TTC7B: variants seen among roughly 807,000 people sequenced by gnomAD.
The protein encoded by TTC7B is tetratricopeptide repeat protein 7B.
A neutral mutation model predicts 106.8 loss-of-function variants in TTC7B; 28 were observed. The ratio of observed to expected loss-of-function variants is 0.26; its 90% CI spans 0.19 to 0.36. The LOEUF is 0.36. Among genes scored for constraint, TTC7B ranks in the 10% least tolerant of loss-of-function variants. The pLI, the probability that TTC7B is intolerant of heterozygous loss-of-function variation, is 1.00. For missense variants in TTC7B, 862 were observed against 1,076.4 expected (o/e 0.80, Z 2.79); for synonymous variants, 405 against 430.6 (o/e 0.94, Z 0.74).
intron 3 of TTC7B, among the ~76,000 whole-genome samples, chr14:90,746,413 A>G (rs1889969593): frequency 6.6e-6 from 1 of 152,198 alleles, no homozygotes; most frequent in South Asian, 2.1e-4. Flanking sequence ...TAGAATCTTT[A>G]GTAGATGGCA....
At chr14:90,602,063 T>C in intron 17 of TTC7B, 1 of 454,348 alleles carries the variant, frequency 2.2e-6, no homozygotes, top group Non-Finnish European at 4.4e-6. Context: ...TAGGTTGAGC[T>C]GGATTTCAGA....
At chr14:90,691,352 G>A (rs758684671) in intron 6 of TTC7B, among the ~76,000 whole-genome samples, 1 of 151,860 alleles carries the variant, frequency 6.6e-6, no homozygotes, top group Non-Finnish European at 1.5e-5. Flanking sequence ...TTTTTTAAAC[G>A]TGGGGTTTTG....
At position 90,550,359 on chromosome 14, in the gene TTC7B, G is replaced by A. The variant is rs149781168; in HGVS notation, c.2311-8770C>T. ...TGTCTCCACCCTAAAGTGAACATGG[G>A]ATGCATGTAATTTGCGTATTTGCTT... On this transcript the variant is annotated intron_variant, in intron 19 of 19. Transcript: ENST00000328459. Among the ~76,000 whole-genome samples the A allele has an allele frequency of 8.3e-4, 126 of 152,318 alleles. 1 individual carries two copies. The highest frequency in any genetic ancestry group is 5.0e-3 in the East Asian group (26 of 5,186).
Position 90,528,189 on chromosome 14 carries a change from C to T in TTC7B, c.*13179G>A, listed in dbSNP as rs1333499705. 1 of 152,180 alleles carries T rather than the reference C, an allele frequency of 6.6e-6. No individual in the cohort carries two copies. Among genetic ancestry groups the T allele is most frequent in the Non-Finnish European group, 1.5e-5 (1 of 68,042 alleles). The allele number at this position is 152,180 out of a possible 1,614,324, so 9.4% of individuals were successfully genotyped here. A position where few individuals can be genotyped will look rare whatever the true frequency, so the allele number is the denominator to read the frequency against. ...CTCCCCTGCTGTGAGCCTCCAATCC[C>T]CTGGCTGGCTAAACAGCAGCACCAG... On this transcript the variant is annotated 3_prime_UTR_variant, in exon 20 of 20. Transcript: ENST00000328459.
intron 17 of TTC7B, among the ~76,000 whole-genome samples, chr14:90,607,760 C>T (rs562632353): frequency 2.0e-5 from 3 of 152,316 alleles, no homozygotes; most frequent in East Asian, 3.9e-4. Context: ...CAATTCTCCA[C>T]AGATGGGTAT....
intron 3 of TTC7B, among the ~76,000 whole-genome samples, chr14:90,762,212 A>G (rs919413824): frequency 6.6e-6 from 1 of 152,252 alleles, no homozygotes; most frequent in Non-Finnish European, 1.5e-5. Context: ...GACAGGAGCT[A>G]GGACAACTGA....
At chr14:90,587,600 C>T (rs1026445458) in intron 18 of TTC7B, among the ~76,000 whole-genome samples, 5 of 152,136 alleles carry the variant, frequency 3.3e-5, no homozygotes, top group East Asian at 1.9e-4. Context: ...TATGAGGGGT[C>T]GCAGGGGCCT....
intron 3 of TTC7B, among the ~76,000 whole-genome samples, chr14:90,754,409 CTAAG>C (rs1890224755): frequency 6.6e-6 from 1 of 152,162 alleles, no homozygotes; most frequent in Non-Finnish European, 1.5e-5. Flanking sequence ...TGCAAAAATG[CTAAG>C]TGTTTAGAAC....
Position 90,780,799 on chromosome 14 carries a change from C to T in TTC7B, c.384G>A (p.Leu128=), listed in dbSNP as rs1225451516. Residue 128 remains leucine (L), a synonymous_variant, in exon 3 of 20, where the codon CTG becomes CTA. Coordinates refer to ENST00000328459, the MANE Select transcript of TTC7B (RefSeq NM_001010854.2). ...TGTAGGGCGGGACAGCTGTCAGTGG[C>T]AGATCGTCCAGGCCCACCCGGGCGT... ...NIYARVGLDD[L]PLTAVPPYRL... 2 of 1,614,160 alleles carry T rather than the reference C, an allele frequency of 1.2e-6. No individual in the cohort carries two copies. The highest frequency in any genetic ancestry group is 2.7e-5 in the African/African-American group (2 of 74,956).
intron 2 of TTC7B, among the ~76,000 whole-genome samples, chr14:90,784,774 C>T (rs1055646885): frequency 2.0e-5 from 3 of 152,130 alleles, no homozygotes; most frequent in Admixed American, 6.5e-5. Context: ...CTGAGCTGAC[C>T]TCTCCAGCCA....
intron 1 of TTC7B, among the ~76,000 whole-genome samples, chr14:90,788,461 A>G (rs1411619696): frequency 6.6e-6 from 1 of 152,230 alleles, no homozygotes; most frequent in Non-Finnish European, 1.5e-5. Context: ...CACAGAACAA[A>G]TATGAATGTC....
At position 90,558,747 on chromosome 14, in the gene TTC7B, C is replaced by T. The variant is rs1479938356; in HGVS notation, c.2311-17158G>A. 3.9e-5 allele frequency among the ~76,000 whole-genome samples: 6 copies of T among 152,338 alleles called. No homozygotes were observed. In the East Asian group the frequency reaches 1.2e-3, roughly 29 times the overall value. The stretch of plus-strand genomic sequence containing the variant: ...TTCACACTGCAGGGCGATTCTAGTG[C>T]ATTAGCGCCGACAAACACTGGTTAG... On this transcript the variant is annotated intron_variant, in intron 19 of 19. Transcript: ENST00000328459.
At chr14:90,621,262 T>G in intron 15 of TTC7B, among the ~76,000 whole-genome samples, 2 of 134,990 alleles carry the variant, frequency 1.5e-5, no homozygotes, top group Admixed American at 7.5e-5. Flanking sequence ...GCCAGAATGT[T>G]GAGCAGAGGC....
At chr14:90,696,998 T>C (rs984139778) in intron 5 of TTC7B, among the ~76,000 whole-genome samples, 1 of 152,136 alleles carries the variant, frequency 6.6e-6, no homozygotes, top group African/African-American at 2.4e-5. Context: ...GGGAAGGAAA[T>C]AGCTACAGCT....
intron 7 of TTC7B, among the ~76,000 whole-genome samples, chr14:90,683,155 C>A (rs1487316096): frequency 6.6e-6 from 1 of 152,148 alleles, no homozygotes; most frequent in Non-Finnish European, 1.5e-5. Flanking sequence ...TAACTAATGA[C>A]AAGTTGAGGT....
chr14:90,649,101 CA>C (rs1885601879), intron 13 of TTC7B, among the ~76,000 whole-genome samples: 1 of 152,210 alleles, frequency 6.6e-6, no homozygotes, highest in South Asian at 2.1e-4. Context: ...GTGAAAGGAA[CA>C]AACCAGAAGT....
intron 17 of TTC7B, 71 bp downstream of exon 17, chr14:90,610,671 C>T: frequency 1.8e-6 from 2 of 1,116,542 alleles, no homozygotes; most frequent in African/African-American, 1.5e-5. Flanking sequence ...AGTCTCATCC[C>T]ATGTCACTTG....
intron 3 of TTC7B, among the ~76,000 whole-genome samples, chr14:90,768,335 A>G (rs1890754021): frequency 6.6e-6 from 1 of 152,182 alleles, no homozygotes; most frequent in African/African-American, 2.4e-5. Flanking sequence ...GGATGCAGCC[A>G]CCTTCTTTAC....
Position 90,742,040 on chromosome 14 carries a change from A to T in TTC7B, c.576+2752T>A, listed in dbSNP as rs1451409414. Among the ~76,000 whole-genome samples the T allele has an allele frequency of 6.6e-6, 1 of 152,170 alleles. No individual in the cohort carries two copies. The highest frequency in any genetic ancestry group is 2.4e-5 in the African/African-American group (1 of 41,434). On this transcript the variant is annotated intron_variant, in intron 4 of 19. Transcript: ENST00000328459. This position sits in a 1 kb window ranked among gnomAD's most constrained non-coding sequence, Gnocchi z 4.1. Reference sequence around the variant, plus strand: ...AAGCTGCTTCCCAAATGCTACCAAAAGCTAAAGCTTACTTGGTCAAATAAA... The same window carrying T: ...AAGCTGCTTCCCAAATGCTACCAAATGCTAAAGCTTACTTGGTCAAATAAA...
Sources: gnomAD v4.1 joint callset for allele counts (sites outside exome capture counted in the v4.1 genomes callset) on GRCh38, gnomAD v4.1.1 for gene constraint, Gnocchi (gnomAD v3.1) non-coding constraint, MANE v1.5 for transcripts, NCBI Gene and HGNC (gene_info 2026-07-23, HGNC 2026-07-21) for gene names.